Variants in BRD10 observed in about 807,000 individuals in gnomAD.
The protein encoded by BRD10 is uncharacterized bromodomain-containing protein 10.
chr9:5,999,737 G>C, the BRD10 span, among the ~76,000 whole-genome samples: 10 of 151,946 alleles, frequency 6.6e-5, no homozygotes, highest in Non-Finnish European at 1.3e-4. Context: ...TTTTAGATAT[G>C]GTGTTCTTAT....
the BRD10 span, among the ~76,000 whole-genome samples, chr9:5,926,905 AC>A: frequency 2.0e-5 from 3 of 152,158 alleles, no homozygotes; most frequent in African/African-American, 7.2e-5. Context: ...AATAGTACTT[AC>A]CTCTCAGTAC....
At chr9:5,911,435 A>T in the BRD10 span, among the ~76,000 whole-genome samples, 6 of 141,598 alleles carry the variant, frequency 4.2e-5, no homozygotes, top group Admixed American at 7.2e-5. Flanking sequence ...TGCCAGTACC[A>T]TGATGTTTTG....
chr9:5,977,488 T>G, the BRD10 span, among the ~76,000 whole-genome samples: 1 of 152,276 alleles, frequency 6.6e-6, no homozygotes, highest in African/African-American at 2.4e-5. Flanking sequence ...AGAGTTAATA[T>G]ATATAATCAG....
At chr9:5,987,705 C>G in the BRD10 span, among the ~76,000 whole-genome samples, 7 of 152,212 alleles carry the variant, frequency 4.6e-5, no homozygotes, top group African/African-American at 1.7e-4. Flanking sequence ...AGTAATCACT[C>G]CTAACATAGT....
chr9:5,910,876 G>A, the BRD10 span, among the ~76,000 whole-genome samples: 46 of 152,324 alleles, frequency 3.0e-4, no homozygotes, highest in South Asian at 3.7e-3. Context: ...AAGGATGGAA[G>A]GTCACATGAT....
the BRD10 span, among the ~76,000 whole-genome samples, chr9:5,950,385 G>A: frequency 6.6e-6 from 1 of 152,114 alleles, no homozygotes; most frequent in African/African-American, 2.4e-5. Flanking sequence ...ACTCTACAAG[G>A]AAGGTACTAT....
the BRD10 span, chr9:5,988,551 A>G: frequency 6.2e-7 from 1 of 1,609,124 alleles, no homozygotes; most frequent in Non-Finnish European, 8.5e-7. Flanking sequence ...AGTGCCTTGG[A>G]GAAGAATAAG....
chr9:5,962,493 G>C, the BRD10 span, among the ~76,000 whole-genome samples: 184 of 68,876 alleles, frequency 2.7e-3, 1 homozygote, highest in African/African-American at 9.5e-3. Context: ...GGAAGAACTG[G>C]TACCATTCCT....
chr9:5,952,879 AT>A, the BRD10 span, among the ~76,000 whole-genome samples: 1 of 152,152 alleles, frequency 6.6e-6, no homozygotes, highest in Admixed American at 6.5e-5. Flanking sequence ...TAAAATTGTT[AT>A]TTTTTTATTA....
chr9:5,881,930 C>T, the BRD10 span, among the ~76,000 whole-genome samples: 2 of 152,148 alleles, frequency 1.3e-5, no homozygotes, highest in Non-Finnish European at 2.9e-5. Flanking sequence ...AGACGTAATC[C>T]CCACTCTCAC....
chr9:5,898,489 G>A, the BRD10 span, among the ~76,000 whole-genome samples: 3 of 152,264 alleles, frequency 2.0e-5, no homozygotes, highest in East Asian at 1.9e-4. Context: ...TTGCATTGGG[G>A]ATTAAGTTTC....
the BRD10 span, among the ~76,000 whole-genome samples, chr9:5,959,516 G>C: frequency 6.6e-6 from 1 of 152,120 alleles, no homozygotes; most frequent in Non-Finnish European, 1.5e-5. Flanking sequence ...CACTCAATGA[G>C]TACTCGGTTT....
the BRD10 span, chr9:5,919,717 C>T: frequency 5.0e-6 from 8 of 1,611,484 alleles, no homozygotes; most frequent in Admixed American, 1.7e-5. Flanking sequence ...TCTCTAAGCC[C>T]GACGACTGAA....
chr9:5,882,437 G>A, the BRD10 span, among the ~76,000 whole-genome samples: 1 of 152,190 alleles, frequency 6.6e-6, no homozygotes, highest in African/African-American at 2.4e-5. Flanking sequence ...AGTCACTAAT[G>A]TTAAGAAAAC....
the BRD10 span, among the ~76,000 whole-genome samples, chr9:5,967,694 G>GA: frequency 0.29 from 35,757 of 123,648 alleles, 6,106 homozygotes; most frequent in Middle Eastern, 0.44. Flanking sequence ...CCCTTAGCCT[G>GA]AAAAAAAAAA....
the BRD10 span, chr9:5,919,813 T>G: frequency 1.2e-6 from 2 of 1,613,894 alleles, no homozygotes; most frequent in Non-Finnish European, 1.7e-6. Flanking sequence ...CCTTAGATGC[T>G]GGAGTATTTA....
the BRD10 span, among the ~76,000 whole-genome samples, chr9:5,987,813 T>A: frequency 6.6e-6 from 1 of 152,194 alleles, no homozygotes; most frequent in Admixed American, 6.5e-5. Flanking sequence ...TGGGCCCTGG[T>A]TGTCTTTTTA....
At chr9:5,911,865 C>T in the BRD10 span, among the ~76,000 whole-genome samples, 1 of 152,010 alleles carries the variant, frequency 6.6e-6, no homozygotes, top group South Asian at 2.1e-4. Context: ...TCCTCTTTGG[C>T]TATTCTGGGA....
the BRD10 span, among the ~76,000 whole-genome samples, chr9:5,995,193 G>A: frequency 1.3e-4 from 20 of 152,292 alleles, no homozygotes; most frequent in East Asian, 3.5e-3. Context: ...GAGCCACCAT[G>A]CCGGCCCAAA....
Sources: allele counts gnomAD v4.1 joint callset (sites outside exome capture counted in the v4.1 genomes callset), GRCh38; gene constraint gnomAD v4.1.1; transcripts MANE v1.5; gene names NCBI Gene and HGNC (gene_info 2026-07-23, HGNC 2026-07-21).